VRK1: variants seen among roughly 807,000 people sequenced by gnomAD.
VRK1 encodes VRK serine/threonine kinase 1.
A neutral mutation model predicts 57.1 loss-of-function variants in VRK1; 33 were observed. That is an observed-to-expected ratio of 0.58 (90% CI 0.44 to 0.77). The LOEUF is 0.77. Among genes scored for constraint, VRK1 ranks in the 30% least tolerant of loss-of-function variants. VRK1 has a pLI of 0.00. For synonymous variants in VRK1, 137 were observed against 147.8 expected, an observed-to-expected ratio of 0.93 and a Z score of 0.53; for missense variants, 413 against 477.3, an observed-to-expected ratio of 0.87 and a Z score of 1.25.
chr14:96,845,900 C>A (rs576658027), intron 3 of VRK1, among the ~76,000 whole-genome samples, 195 bp from the exon 4 acceptor site: 1 of 152,034 alleles, frequency 6.6e-6, no homozygotes, highest in African/African-American at 2.4e-5. Flanking sequence ...GGAACTTGAG[C>A]AATATAAGAA....
intron 1 of VRK1, among the ~76,000 whole-genome samples, chr14:96,818,684 C>A (rs1190941585): frequency 6.6e-6 from 1 of 152,000 alleles, no homozygotes; most frequent in Non-Finnish European, 1.5e-5. Context: ...TTTATACTTT[C>A]ATTGATATGC....
intron 1 of VRK1, among the ~76,000 whole-genome samples, chr14:96,808,009 C>CTG (rs1885961484): frequency 8.1e-6 from 1 of 122,906 alleles, no homozygotes; most frequent in Non-Finnish European, 1.6e-5. Flanking sequence ...CTCCCTCTCT[C>CTG]TCTCCCTCTG....
At chr14:96,824,728 A>G (rs534194576) in intron 1 of VRK1, among the ~76,000 whole-genome samples, 16 of 143,720 alleles carry the variant, frequency 1.1e-4, no homozygotes, top group Non-Finnish European at 1.5e-4. Flanking sequence ...GTCTCGGCTC[A>G]CTGCAAGCTC....
chr14:96,807,811 G>T (rs1302084578), intron 1 of VRK1, among the ~76,000 whole-genome samples: 1 of 152,118 alleles, frequency 6.6e-6, no homozygotes, highest in African/African-American at 2.4e-5. Context: ...AACTTTTAAA[G>T]ATATTTTGGA....
At chr14:96,842,569 A>G (rs534431913) in intron 3 of VRK1, among the ~76,000 whole-genome samples, 1 of 152,370 alleles carries the variant, frequency 6.6e-6, no homozygotes, top group African/African-American at 2.4e-5. Flanking sequence ...CATATTTTCT[A>G]AAATGAGCAT....
intron 11 of VRK1, among the ~76,000 whole-genome samples, chr14:96,871,504 A>G (rs559018844): frequency 3.7e-4 from 57 of 152,344 alleles, no homozygotes; most frequent in Admixed American, 3.1e-3. Context: ...CCCTAAAAGG[A>G]TTTCTTATAG....
At chr14:96,870,568 A>T (rs1888781259) in intron 11 of VRK1, among the ~76,000 whole-genome samples, 1 of 152,178 alleles carries the variant, frequency 6.6e-6, no homozygotes, top group African/African-American at 2.4e-5. Flanking sequence ...TTGTTAACTG[A>T]CTATACGTTT....
At chr14:96,805,333 A>G (rs1228714667) in intron 1 of VRK1, among the ~76,000 whole-genome samples, 3 of 152,366 alleles carry the variant, frequency 2.0e-5, no homozygotes, top group Middle Eastern at 6.8e-3. Flanking sequence ...ATTAAAGGAT[A>G]CACTAGAAAC....
In VRK1 at chr14:96,856,563, G is replaced by A; in HGVS notation, c.866G>A (p.Cys289Tyr). The change falls in exon 10 of 13, where the codon TGT becomes TAT. Residue 289 changes from cysteine (C) to tyrosine (Y), a missense_variant. Physicochemically the swap from Cys to Tyr is radical, Grantham distance 194. This residue lies in a region of VRK1 where 146 missense variants were observed against 138.2 expected (regional missense o/e 1.06). Coordinates refer to ENST00000216639, the MANE Select transcript of VRK1 (RefSeq NM_003384.3). ...RENIASLMDKCFPEKNKPGEI... is the reference protein window; with the variant it reads ...RENIASLMDKYFPEKNKPGEI... ...AATATTGCAAGTTTGATGGACAAATGTTTTCCTGAGAAAAACAAACCAGGT... is the reference window on the plus strand; with the variant it reads ...AATATTGCAAGTTTGATGGACAAATATTTTCCTGAGAAAAACAAACCAGGT... 6.2e-7 allele frequency: 1 copy of A among 1,613,702 alleles called. No homozygotes were observed. Among genetic ancestry groups the A allele is most frequent in the Non-Finnish European group, 8.5e-7 (1 of 1,179,722 alleles).
chr14:96,840,133 C>G (rs1887396282), intron 3 of VRK1, among the ~76,000 whole-genome samples: 1 of 152,098 alleles, frequency 6.6e-6, no homozygotes, highest in African/African-American at 2.4e-5. Flanking sequence ...GTACCTGGCA[C>G]TCTGTTTGGT....
chr14:96,826,985 C>T (rs547930863), intron 1 of VRK1, among the ~76,000 whole-genome samples: 1 of 152,134 alleles, frequency 6.6e-6, no homozygotes, highest in Non-Finnish European at 1.5e-5. Context: ...TGAAAGGGAA[C>T]CTGAGACACA....
intron 1 of VRK1, among the ~76,000 whole-genome samples, chr14:96,805,264 G>A (rs536568594): frequency 6.6e-6 from 1 of 152,266 alleles, no homozygotes. Context: ...CAGCTTTAAG[G>A]TTTTGGTCTT....
At chr14:96,824,942 C>T (rs533507734) in intron 1 of VRK1, among the ~76,000 whole-genome samples, 30 of 152,138 alleles carry the variant, frequency 2.0e-4, no homozygotes, top group Admixed American at 8.5e-4. Flanking sequence ...TGTGAGCCAC[C>T]GCACCCGGCC....
At chr14:96,810,232 C>T (rs1039037791) in intron 1 of VRK1, among the ~76,000 whole-genome samples, 5 of 152,026 alleles carry the variant, frequency 3.3e-5, no homozygotes, top group Admixed American at 6.5e-5. Flanking sequence ...AATCCTTTGT[C>T]GAATATGTGA....
chr14:96,851,973 T>C (rs1387408527), intron 5 of VRK1, among the ~76,000 whole-genome samples: 1 of 152,220 alleles, frequency 6.6e-6, no homozygotes, highest in Non-Finnish European at 1.5e-5. Flanking sequence ...GTTTTGATTT[T>C]TATTGATTTA....
intron 10 of VRK1, among the ~76,000 whole-genome samples, chr14:96,860,068 G>A (rs1888323374): frequency 6.6e-6 from 1 of 151,960 alleles, no homozygotes; most frequent in African/African-American, 2.4e-5. Flanking sequence ...TCTTTTATAG[G>A]AAAGCCAGAT....
At chr14:96,862,101 C>T (rs1304380387) in intron 11 of VRK1, among the ~76,000 whole-genome samples, 4 of 152,128 alleles carry the variant, frequency 2.6e-5, no homozygotes, top group African/African-American at 9.7e-5. Context: ...CCCCTGTCCC[C>T]GCCCCTACCT....
intron 11 of VRK1, among the ~76,000 whole-genome samples, chr14:96,873,265 G>C (rs1356430775): frequency 1.3e-5 from 2 of 152,046 alleles, no homozygotes; most frequent in Non-Finnish European, 2.9e-5. Context: ...GTCTACAGCA[G>C]GTCTCCAATC....
At chr14:96,866,158 A>C (rs914610453) in intron 11 of VRK1, among the ~76,000 whole-genome samples, 1 of 152,036 alleles carries the variant, frequency 6.6e-6, no homozygotes, top group Non-Finnish European at 1.5e-5. Flanking sequence ...GGAGAGCTTT[A>C]TGTGAATTTA....
Sources: gnomAD v4.1 joint callset for allele counts (sites outside exome capture counted in the v4.1 genomes callset) on GRCh38, gnomAD v4.1.1 for gene constraint, gnomAD v4.1.1 regional missense constraint, MANE v1.5 for transcripts, NCBI Gene and HGNC (gene_info 2026-07-23, HGNC 2026-07-21) for gene names.